LRRC71: variants seen among roughly 807,000 people sequenced by gnomAD.
The protein encoded by LRRC71 is leucine rich repeat containing 71.
LRRC71 carries 54 observed loss-of-function variants against 66.6 expected under a neutral mutation model. That is an observed-to-expected ratio of 0.81 (90% confidence interval 0.65 to 1.02). LRRC71 has a LOEUF of 1.02. LRRC71 is among the 50% of genes least tolerant of loss of function. LRRC71 has a pLI of 0.00. For missense variants in LRRC71, 724 were observed against 718.0 expected, an observed-to-expected ratio of 1.01 and a Z score of -0.10; for synonymous variants, 323 against 303.9, an observed-to-expected ratio of 1.06 and a Z score of -0.65.
In LRRC71 at chr1:156,927,713, C is replaced by A. The variant is rs745753551; in HGVS notation, c.823-20C>A. On this transcript the variant is annotated intron_variant, in intron 7 of 14. Transcript: ENST00000337428. The stretch of plus-strand genomic sequence containing the variant: ...GCAGGGGCGGCTTGGGCGGCTCACG[C>A]GTCCCTGCCCGCCTCTTAGGGCCTC... 1.9e-5 allele frequency: 31 copies of A among 1,606,378 alleles called. No homozygotes were observed. The highest frequency in any genetic ancestry group is 2.5e-5 in the Non-Finnish European group (30 of 1,179,320).
the LRRC71 span, chr1:156,939,731 T>A: frequency 6.2e-7 from 1 of 1,614,030 alleles, no homozygotes; most frequent in Non-Finnish European, 8.5e-7. Flanking sequence ...GCAAGCTGGG[T>A]GTTGTCCCCT....
intron 12 of LRRC71, 121 bp from the exon 13 acceptor site, chr1:156,931,795 T>G (rs1386016179): frequency 5.2e-6 from 4 of 771,242 alleles, no homozygotes; most frequent in South Asian, 1.7e-5. Flanking sequence ...TCCCCAGCAC[T>G]TGGGACAAAG....
chr1:156,925,117 G>A (rs1215347559), intron 5 of LRRC71, 102 bp downstream of exon 5: 1 of 1,054,628 alleles, frequency 9.5e-7, no homozygotes, highest in Non-Finnish European at 1.4e-6. Context: ...AGCTCCTGTG[G>A]GCCTGCCTGG....
At chr1:156,937,263 G>A (rs766501957), downstream of LRRC71, 10 of 1,613,850 alleles carry the variant, frequency 6.2e-6, no homozygotes, top group African/African-American at 1.3e-5. Flanking sequence ...AGCCTGTTGA[G>A]CTTGAGAGTG....
At chr1:156,936,497 A>AAAATATATATATAT (rs370282821), downstream of LRRC71, among the ~76,000 whole-genome samples, 2 of 33,940 alleles carry the variant, frequency 5.9e-5, no homozygotes, top group Non-Finnish European at 9.3e-5. Context: ...AAAAAAAAAA[A>AAAATATATATATAT]ATATATATAT....
At chr1:156,921,477 T>G (rs1200962249) in intron 1 of LRRC71, 2 of 209,356 alleles carry the variant, frequency 9.6e-6, no homozygotes, top group Admixed American at 6.5e-5. Flanking sequence ...CGAAGTCTTC[T>G]TGATACAAAT....
chr1:156,930,631 A>G lies in LRRC71; in HGVS notation c.1329+14A>G. The G allele has an allele frequency of 6.4e-7, 1 of 1,553,778 alleles. No individual in the cohort carries two copies. The highest frequency in any genetic ancestry group is 1.2e-5 in the South Asian group (1 of 84,166). On this transcript the variant is annotated intron_variant, in intron 12 of 14. Transcript: ENST00000337428. Reference sequence around the variant, plus strand: ...CTGGAGTCCGAGGTAAGTTGCCAGGAGGAGTGGAGGCAGGGGGCACACCCC... The same window carrying G: ...CTGGAGTCCGAGGTAAGTTGCCAGGGGGAGTGGAGGCAGGGGGCACACCCC...
At chr1:156,932,761 A>G in intron 14 of LRRC71, 92 bp from the exon 15 acceptor site, 2 of 1,463,328 alleles carry the variant, frequency 1.4e-6, no homozygotes, top group East Asian at 2.3e-5. Flanking sequence ...CCCAGCCCCT[A>G]ACCCACCCTG....
downstream of LRRC71, among the ~76,000 whole-genome samples, chr1:156,936,500 ATATATAT>A (rs1557807586): frequency 2.0e-5 from 2 of 101,476 alleles, no homozygotes; most frequent in Non-Finnish European, 3.7e-5. Flanking sequence ...AAAAAAAAAT[ATATATAT>A]ATATATATAT....
At position 156,920,838 on chromosome 1, in the gene LRRC71, C is replaced by T. The variant is rs1357207407; in HGVS notation, c.35C>T (p.Pro12Leu). 16 of 1,535,632 alleles carry T rather than the reference C, an allele frequency of 1.0e-5. No homozygotes were observed. The highest frequency in any genetic ancestry group is 1.3e-5 in the Non-Finnish European group (15 of 1,139,678). ...SSEQSAPGAS[P>L]RAPRPGTQKS... is the part of the protein sequence containing the mutation. Reference sequence around the variant, plus strand: ...GAGCAGAGCGCGCCGGGGGCCTCACCCAGGGCCCCGCGTCCGGGGACCCAG... The same window carrying T: ...GAGCAGAGCGCGCCGGGGGCCTCACTCAGGGCCCCGCGTCCGGGGACCCAG... Residue 12 changes from proline (P) to leucine (L), a missense_variant, in exon 1 of 15, where the codon CCC (proline) becomes CTC (leucine). By Grantham distance (98) the Pro-to-Leu change is moderately conservative. Coordinates refer to ENST00000337428, the MANE Select transcript of LRRC71 (RefSeq NM_144702.3). This position sits in a 1 kb window ranked among gnomAD's most constrained non-coding sequence, Gnocchi z 4.9.
At position 156,924,491 on chromosome 1, in the gene LRRC71, C is replaced by T. The variant is rs945691365; in HGVS notation, c.378C>T (p.Pro126=). ...AGAGCAAATACGTGTTCTTCCGGCC[C>T]ACCATCCAGGTGGAGCTGGAGCAGG... ...SLESKYVFFR[P]TIQVELEQED... The change falls in exon 3 of 15, where the codon CCC becomes CCT. Residue 126 remains proline (P), a synonymous_variant. Transcript: ENST00000337428. 3 of 1,551,438 alleles carry T rather than the reference C, an allele frequency of 1.9e-6. No individual in the cohort carries two copies. Among genetic ancestry groups the T allele is most frequent in the Admixed American group, 2.0e-5 (1 of 51,002 alleles).
downstream of LRRC71, among the ~76,000 whole-genome samples, chr1:156,934,504 T>C (rs1176074994): frequency 1.3e-5 from 2 of 152,146 alleles, no homozygotes; most frequent in Non-Finnish European, 2.9e-5. Context: ...CTGGGTCCAC[T>C]GCTCCTTTAT....
At chr1:156,924,893 G>C in intron 4 of LRRC71, 45 bp from the exon 5 acceptor site, 2 of 1,547,582 alleles carry the variant, frequency 1.3e-6, no homozygotes, top group South Asian at 1.2e-5. Context: ...TCCAGTAGGA[G>C]GGGGCGCTCT....
intron 5 of LRRC71, among the ~76,000 whole-genome samples, chr1:156,926,654 A>T (rs1653252816): frequency 6.7e-6 from 1 of 148,880 alleles, no homozygotes; most frequent in African/African-American, 2.5e-5. Flanking sequence ...GGCTCACTGC[A>T]ACCTCCGCCT....
At chr1:156,936,497 A>T (rs945509), downstream of LRRC71, among the ~76,000 whole-genome samples, 3,233 of 33,628 alleles carry the variant, frequency 0.096, 208 homozygotes, top group Non-Finnish European at 0.11. Context: ...AAAAAAAAAA[A>T]ATATATATAT....
In LRRC71 at chr1:156,924,038, C is replaced by T. The variant is rs773931085; in HGVS notation, c.250C>T (p.Arg84Trp). The change falls in exon 2 of 15, where the codon CGG (arginine) becomes TGG (tryptophan). Residue 84 changes from arginine (R) to tryptophan (W), a missense_variant. Coordinates refer to ENST00000337428, the MANE Select transcript of LRRC71 (RefSeq NM_144702.3). The stretch of plus-strand genomic sequence containing the variant: ...CACGGACTTCCCCAAAGTTGTCAAC[C>T]GGCCCCGCCCCCACCCGCCCTTCGT... ...GYTDFPKVVN[R>W]PRPHPPFVPS... 186 of 1,547,868 alleles carry T rather than the reference C, an allele frequency of 1.2e-4. 2 individuals are homozygous for T. In the East Asian group the frequency reaches 4.5e-3, roughly 37 times the overall value.
At position 156,927,785 on chromosome 1, in the gene LRRC71, T is replaced by C. The variant is rs756965408; in HGVS notation, c.875T>C (p.Ile292Thr). 3 of 1,612,826 alleles carry C rather than the reference T, an allele frequency of 1.9e-6. No individual in the cohort carries two copies. The highest frequency in any genetic ancestry group is 1.3e-5 in the African/African-American group (1 of 74,988). ...LLWLSLAHNRIQDKGALKLAE... is the reference protein window; with the variant it reads ...LLWLSLAHNRTQDKGALKLAE... ...TGGCTGTCCCTGGCCCACAACCGCA[T>C]CCAGGACAAGGGCGCCCTGAAGCTG... Residue 292 changes from isoleucine (I) to threonine (T), a missense_variant, in exon 8 of 15, where the codon ATC becomes ACC. Ile to Thr is a moderately conservative substitution (Grantham distance 89). Coordinates refer to ENST00000337428, the MANE Select transcript of LRRC71 (RefSeq NM_144702.3).
At chr1:156,928,563 C>CTTTTTT (rs58180096) in intron 9 of LRRC71, among the ~76,000 whole-genome samples, 5 of 80,240 alleles carry the variant, frequency 6.2e-5, no homozygotes, top group Non-Finnish European at 1.1e-4. Context: ...CTTCTTCTTA[C>CTTTTTT]TTTTTTTTTT....
Position 156,929,378 on chromosome 1 carries a change from G to C in LRRC71, c.1095G>C (p.Thr365=), listed in dbSNP as rs190061539. Residue 365 remains threonine (T), a synonymous_variant, in exon 10 of 15, where the codon ACG becomes ACC. Transcript: ENST00000337428. ...CATTGGTGGACAAGACAGACAAGAC[G>C]CAGACAATGAAAACCCCTAAGGGCC... ...NSALVDKTDK[T]QTMKTPKGLG... is the part of the protein sequence containing the mutation. The C allele has an allele frequency of 1.9e-6, 3 of 1,613,800 alleles. No homozygotes were observed. The highest frequency in any genetic ancestry group is 1.7e-6 in the Non-Finnish European group (2 of 1,179,802).
Sources: allele counts gnomAD v4.1 joint callset (sites outside exome capture counted in the v4.1 genomes callset), GRCh38; gene constraint gnomAD v4.1.1; non-coding constraint Gnocchi (gnomAD v3.1); transcripts MANE v1.5; gene names NCBI Gene and HGNC (gene_info 2026-07-23, HGNC 2026-07-21).